Variants in CNNM2 observed in about 807,000 individuals in gnomAD.
The protein encoded by CNNM2 is cyclin and CBS domain divalent metal cation transport mediator 2.
A neutral mutation model predicts 66.9 loss-of-function variants in CNNM2; 12 were observed. That is an observed-to-expected ratio of 0.18 (90% CI 0.11 to 0.29). The LOEUF (loss-of-function observed/expected upper bound fraction) is 0.29, where lower values mean the gene tolerates loss of function less well. Among genes scored for constraint, CNNM2 ranks in the 10% least tolerant of loss-of-function variants. The probability of loss-of-function intolerance (pLI) is 1.00; values close to 1 mark genes in which losing one functional copy is unlikely to be tolerated. For missense variants in CNNM2, 705 were observed against 1,167.7 expected (o/e 0.60, Z 5.77); for synonymous variants, 557 against 501.8 (o/e 1.11, Z -1.47).
chr10:102,958,443 T>C lies in CNNM2; in HGVS notation c.1621+38342T>C, dbSNP rs202229441. Among the ~76,000 whole-genome samples the C allele has an allele frequency of 3.0e-4, 45 of 151,148 alleles. No individual in the cohort carries two copies. In the East Asian group the frequency reaches 8.5e-3, roughly 29 times the overall value. On this transcript the variant is annotated intron_variant, in intron 1 of 7. Coordinates refer to ENST00000369878, the MANE Select transcript of CNNM2 (RefSeq NM_017649.5). ...CTGTTGAGTCTGAATTGACTTGTTC[T>C]GAATTCAAGCAACTTGTTTTTTTTT... is the stretch of plus-strand genomic sequence containing the variant.
At chr10:102,948,224 G>A (rs1307497006) in intron 1 of CNNM2, among the ~76,000 whole-genome samples, 2 of 152,178 alleles carry the variant, frequency 1.3e-5, no homozygotes, top group African/African-American at 4.8e-5. Flanking sequence ...TGGTGGGGGA[G>A]ATAGACATGA....
Position 103,049,813 on chromosome 10 carries a change from C to A in CNNM2, c.1728C>A (p.Ile576=), listed in dbSNP as rs754762020. 8.7e-6 allele frequency: 14 copies of A among 1,613,664 alleles called. No individual in the cohort carries two copies. The African/African-American group carries it at 1.3e-4, about 15-fold the overall frequency. ...CCTTAGAAGATGTGATTGAAGAAAT[C>A]ATCAAATCTGAGATTCTTGATGAAA... ...IVTLEDVIEE[I]IKSEILDETD... Residue 576 remains isoleucine (I), a synonymous_variant, in exon 2 of 8, where the codon ATC becomes ATA. Transcript: ENST00000369878.
At chr10:103,034,921 G>T (rs1272750660) in intron 1 of CNNM2, among the ~76,000 whole-genome samples, 1 of 146,472 alleles carries the variant, frequency 6.8e-6, no homozygotes. Context: ...AGCCGAGATT[G>T]CGCCACTGCA....
chr10:103,089,074 C>G lies in CNNM2; in HGVS notation c.*11894C>G, dbSNP rs1564889099. 9.0e-6 allele frequency: 2 copies of G among 223,130 alleles called. No individual in the cohort carries two copies. Among genetic ancestry groups the G allele is most frequent in the East Asian group, 1.3e-4 (2 of 15,316 alleles). 13.8% of individuals were successfully genotyped at this position (223,130 alleles called of 1,614,324 possible). A position where few individuals can be genotyped will look rare whatever the true frequency, so the allele number is the denominator to read the frequency against. ...CTTTTCCCTCAAAATAGAATCCTGC[C>G]CTAAAGCAACGCAAGTAGAGCATAC... On this transcript the variant is annotated 3_prime_UTR_variant, in exon 8 of 8. Coordinates refer to ENST00000369878, the MANE Select transcript of CNNM2 (RefSeq NM_017649.5).
chr10:103,045,222 T>TG (rs1590452653), intron 1 of CNNM2, among the ~76,000 whole-genome samples: 2 of 152,254 alleles, frequency 1.3e-5, no homozygotes, highest in African/African-American at 4.8e-5. Flanking sequence ...CTTGACCTGA[T>TG]GCAGTGTTTA....
rs958359463 is a variant in CNNM2 at position 103,087,348 on chromosome 10, T to C, written c.*10168T>C. 1 of 151,958 alleles carries C rather than the reference T, an allele frequency of 6.6e-6. No individual in the cohort carries two copies. The highest frequency in any genetic ancestry group is 2.4e-5 in the African/African-American group (1 of 41,330). 9.4% of individuals were successfully genotyped at this position (151,958 alleles called of 1,614,324 possible). ...AGAGGCACCATTTTGCTCTGGGTCT[T>C]ATGGAATCCTAGAGCTCTTGAATAC... On this transcript the variant is annotated 3_prime_UTR_variant, in exon 8 of 8. Coordinates refer to ENST00000369878, the MANE Select transcript of CNNM2 (RefSeq NM_017649.5).
intron 1 of CNNM2, among the ~76,000 whole-genome samples, chr10:102,959,863 T>C (rs1847179411): frequency 6.6e-6 from 1 of 152,012 alleles, no homozygotes; most frequent in African/African-American, 2.4e-5. Flanking sequence ...CCATCCTGGC[T>C]AACATGGTGA....
At chr10:103,074,610 A>T (rs530585023) in intron 6 of CNNM2, among the ~76,000 whole-genome samples, 1 of 152,182 alleles carries the variant, frequency 6.6e-6, no homozygotes, top group Non-Finnish European at 1.5e-5. Context: ...AGGCGACAAG[A>T]TCACTTGAGC....
intron 1 of CNNM2, among the ~76,000 whole-genome samples, chr10:102,992,299 A>G (rs2063913504): frequency 1.8e-5 from 1 of 54,488 alleles, no homozygotes; most frequent in Non-Finnish European, 4.1e-5. Context: ...TTTGAGATGC[A>G]GTTTGCTCTC....
rs2134380427 is a variant in CNNM2 at position 103,083,955 on chromosome 10, G to T, written c.*6775G>T. ...TGAGTGTGGCGAGGCGTGTGCAGGTGGGTCTTCAGGATTCAGTGGATATCC... is the reference window on the plus strand; with the variant it reads ...TGAGTGTGGCGAGGCGTGTGCAGGTTGGTCTTCAGGATTCAGTGGATATCC... On this transcript the variant is annotated 3_prime_UTR_variant, in exon 8 of 8. Transcript: ENST00000369878. 1 of 152,346 alleles carries T rather than the reference G, an allele frequency of 6.6e-6. No homozygotes were observed. Among genetic ancestry groups the T allele is most frequent in the African/African-American group, 2.4e-5 (1 of 41,566 alleles). The allele number at this position is 152,346 out of a possible 1,614,324, so 9.4% of individuals were successfully genotyped here.
intron 4 of CNNM2, among the ~76,000 whole-genome samples, chr10:103,066,664 C>T (rs1005925240): frequency 3.3e-5 from 5 of 152,224 alleles, no homozygotes; most frequent in Admixed American, 6.5e-5. Flanking sequence ...TTCCTGTATG[C>T]GATTTGTCTT....
intron 1 of CNNM2, among the ~76,000 whole-genome samples, chr10:102,951,162 A>G (rs900703217): frequency 6.7e-6 from 1 of 150,238 alleles, no homozygotes; most frequent in African/African-American, 2.5e-5. Context: ...TAATTTTTGT[A>G]TTTTTTTAGT....
intron 1 of CNNM2, among the ~76,000 whole-genome samples, chr10:103,012,906 C>T (rs1252312093): frequency 6.6e-6 from 1 of 152,158 alleles, no homozygotes; most frequent in Non-Finnish European, 1.5e-5. Flanking sequence ...CCTTTCCTTC[C>T]TTCTCTTTCC....
At chr10:103,022,884 A>G (rs1020636444) in intron 1 of CNNM2, among the ~76,000 whole-genome samples, 2 of 151,712 alleles carry the variant, frequency 1.3e-5, no homozygotes, top group African/African-American at 4.8e-5. Flanking sequence ...AGAGCAAGAG[A>G]AAGGAGGAGA....
rs887780071 is a variant in CNNM2, at chr10:103,026,601, C to CAA, written c.1622-23083_1622-23082dup. 0.026 allele frequency among the ~76,000 whole-genome samples: 1,671 copies of CAA among 64,824 alleles called. 79 individuals are homozygous for CAA. Among genetic ancestry groups the CAA allele is most frequent in the Admixed American group, 0.098 (502 of 5,122 alleles). The allele number at this position is 64,824 out of a possible 152,430, so 42.5% of individuals were successfully genotyped here. Reference sequence around the variant, plus strand: ...TAGGGACAGAGTGAGACCTTGTCTTCAAAAAAAAAAAAAAAAAAAAAAAAG... The same window carrying CAA: ...TAGGGACAGAGTGAGACCTTGTCTTCAAAAAAAAAAAAAAAAAAAAAAAAAAG... On this transcript the variant is annotated intron_variant, in intron 1 of 7. Coordinates refer to ENST00000369878, the MANE Select transcript of CNNM2 (RefSeq NM_017649.5).
chr10:102,943,940 A>G (rs912094006), intron 1 of CNNM2, among the ~76,000 whole-genome samples: 2 of 152,150 alleles, frequency 1.3e-5, no homozygotes, highest in African/African-American at 2.4e-5. Context: ...CTTGAAATCT[A>G]TGCTGACTTC....
chr10:103,015,565 G>T (rs2064428368), intron 1 of CNNM2, among the ~76,000 whole-genome samples: 1 of 152,108 alleles, frequency 6.6e-6, no homozygotes, highest in African/African-American at 2.4e-5. Context: ...TTAACAGAAA[G>T]GTGCCCGGCC....
At chr10:102,973,021 C>A (rs947554982) in intron 1 of CNNM2, among the ~76,000 whole-genome samples, 2 of 152,132 alleles carry the variant, frequency 1.3e-5, no homozygotes, top group Non-Finnish European at 2.9e-5. Context: ...GACAGCATGA[C>A]ATAGTTTATT....
chr10:102,983,087 T>G (rs1453537587), intron 1 of CNNM2, among the ~76,000 whole-genome samples: 2 of 152,058 alleles, frequency 1.3e-5, no homozygotes, highest in Non-Finnish European at 2.9e-5. Flanking sequence ...TTGTTCAACT[T>G]TGATATTGAT....
Sources: allele counts gnomAD v4.1 joint callset (sites outside exome capture counted in the v4.1 genomes callset), GRCh38; gene constraint gnomAD v4.1.1; transcripts MANE v1.5; gene names NCBI Gene and HGNC (gene_info 2026-07-23, HGNC 2026-07-21).